The following TSHZ3 variants were observed in gnomAD, a reference collection of about 807,000 sequenced individuals.
The protein encoded by TSHZ3 is teashirt zinc finger homeobox 3, also known as teashirt homolog 3.
In TSHZ3, 10 loss-of-function variants were observed where a neutral mutation model predicts 64.5. That is an observed-to-expected ratio of 0.16 (90% CI 0.10 to 0.26). TSHZ3 has a LOEUF of 0.26. Among genes scored for constraint, TSHZ3 ranks in the 10% least tolerant of loss-of-function variants. The pLI, the probability that TSHZ3 is intolerant of heterozygous loss-of-function variation, is 1.00. For synonymous variants in TSHZ3, 608 were observed against 593.1 expected (o/e 1.03, Z -0.36); for missense variants, 1,242 against 1,421.7 (o/e 0.87, Z 2.03).
intron 5 of TSHZ3, among the ~76,000 whole-genome samples, chr19:31,157,712 T>C (rs1467575014): frequency 2.0e-5 from 3 of 152,376 alleles, no homozygotes; most frequent in Admixed American, 1.3e-4. Context: ...ACCTATTTCA[T>C]GATTCTAATC....
chr19:31,184,321 A>G (rs1974771058), intron 5 of TSHZ3, among the ~76,000 whole-genome samples: 1 of 152,218 alleles, frequency 6.6e-6, no homozygotes, highest in South Asian at 2.1e-4. Context: ...AAAAACTGCG[A>G]GATTAAATAG....
At chr19:31,229,354 GCAGGTAGAAAGAA>G (rs1975510346) in intron 3 of TSHZ3, among the ~76,000 whole-genome samples, 1 of 152,138 alleles carries the variant, frequency 6.6e-6, no homozygotes, top group African/African-American at 2.4e-5. Flanking sequence ...CCAAGGATGG[GCAGGTAGAAAGAA>G]CATTAAGAAT....
At chr19:31,172,486 A>G (rs1974548856) in intron 5 of TSHZ3, among the ~76,000 whole-genome samples, 1 of 152,250 alleles carries the variant, frequency 6.6e-6, no homozygotes, top group African/African-American at 2.4e-5. Context: ...CATGCAATTC[A>G]CACATACTCA....
In TSHZ3 at chr19:31,160,355, G is replaced by A. The variant is rs562848281; in HGVS notation, n.810-3938C>T. 7.2e-5 allele frequency among the ~76,000 whole-genome samples: 11 copies of A among 152,222 alleles called. 1 individual carries two copies. The highest frequency in any genetic ancestry group is 4.2e-4 in the South Asian group (2 of 4,818). On this transcript the variant is annotated intron_variant and non_coding_transcript_variant, in intron 5 of 6. Transcript: ENST00000651361. ...ACTGGCAAAAACAACAACGCTCTGCGGTCTATCTGCCCCTCTGCCAAGAAA... is the reference window on the plus strand; with the variant it reads ...ACTGGCAAAAACAACAACGCTCTGCAGTCTATCTGCCCCTCTGCCAAGAAA...
chr19:31,308,209 T>G (rs55947176), intron 1 of TSHZ3: 62,377 of 153,224 alleles, frequency 0.41, 12,882 homozygotes, highest in Middle Eastern at 0.51. Context: ...CAGCAGCTTG[T>G]GTTTGTCAAT....
chr19:31,233,947 A>G (rs1207985222), intron 3 of TSHZ3, among the ~76,000 whole-genome samples: 1 of 152,046 alleles, frequency 6.6e-6, no homozygotes, highest in Non-Finnish European at 1.5e-5. Context: ...AAAAAAAAAA[A>G]AAAAGCCTGC....
chr19:31,279,361 C>T lies in TSHZ3; in HGVS notation c.432G>A (p.Glu144=), dbSNP rs1976319944. The T allele has an allele frequency of 4.3e-6, 7 of 1,614,022 alleles. No individual in the cohort carries two copies. The highest frequency in any genetic ancestry group is 5.1e-6 in the Non-Finnish European group (6 of 1,180,020). The change falls in exon 2 of 2, where the codon GAG becomes GAA. Residue 144 remains glutamate (E), a synonymous_variant. Transcript: ENST00000240587. The surrounding 1 kb of genome is among the most constrained non-coding windows in gnomAD (Gnocchi z 6.4). ...LNLNLHQPSS[E]KNNGSSSSSS... ...TGCTGCTGCTGCTGCCGTTGTTCTT[C>T]TCCGAGGAGGGCTGGTGCAGGTTGA...
At chr19:31,158,624 G>T (rs1183769722) in intron 5 of TSHZ3, among the ~76,000 whole-genome samples, 1 of 152,110 alleles carries the variant, frequency 6.6e-6, no homozygotes, top group Non-Finnish European at 1.5e-5. Context: ...TATATTTATT[G>T]TGCACTTTAT....
chr19:31,189,393 G>A (rs1285291881), intron 5 of TSHZ3, among the ~76,000 whole-genome samples: 1 of 151,690 alleles, frequency 6.6e-6, no homozygotes, highest in Non-Finnish European at 1.5e-5. Context: ...TTTCCTCTAA[G>A]CATTGCTTTG....
At chr19:31,176,532 G>A (rs916458111) in intron 5 of TSHZ3, among the ~76,000 whole-genome samples, 9 of 152,108 alleles carry the variant, frequency 5.9e-5, no homozygotes, top group East Asian at 3.9e-4. Context: ...ATGGTGTTTC[G>A]CTTGTAATCT....
chr19:31,336,925 G>A (rs537307105), intron 1 of TSHZ3, among the ~76,000 whole-genome samples: 135 of 152,104 alleles, frequency 8.9e-4, no homozygotes, highest in Non-Finnish European at 1.7e-3. Context: ...ACTGCAGAGT[G>A]CATATTTTAT....
chr19:31,262,930 G>C (rs984047802), intron 1 of TSHZ3, among the ~76,000 whole-genome samples: 3 of 152,226 alleles, frequency 2.0e-5, no homozygotes, highest in African/African-American at 7.2e-5. Context: ...CAGTTGGGCT[G>C]CGGACATGTG....
chr19:31,168,085 C>G (rs749798685), intron 5 of TSHZ3, among the ~76,000 whole-genome samples: 3 of 151,848 alleles, frequency 2.0e-5, no homozygotes, highest in South Asian at 2.1e-4. Flanking sequence ...TAGATGCCAC[C>G]TTTTCTCAGT....
intron 1 of TSHZ3, among the ~76,000 whole-genome samples, chr19:31,307,235 G>A (rs977348431): frequency 2.0e-5 from 3 of 152,070 alleles, no homozygotes; most frequent in African/African-American, 4.8e-5. Flanking sequence ...CCAAGTGCCC[G>A]CCCTGTTCTC....
intron 4 of TSHZ3, among the ~76,000 whole-genome samples, chr19:31,219,352 A>C (rs1975370538): frequency 6.6e-6 from 1 of 152,200 alleles, no homozygotes; most frequent in Admixed American, 6.5e-5. Context: ...CAAAGGGCTC[A>C]ACACAGCAGA....
intron 1 of TSHZ3, among the ~76,000 whole-genome samples, chr19:31,335,319 T>C (rs1426642328): frequency 6.6e-6 from 1 of 152,198 alleles, no homozygotes; most frequent in Non-Finnish European, 1.5e-5. Flanking sequence ...TACAAGAATT[T>C]CTCTCTGAGG....
intron 5 of TSHZ3, among the ~76,000 whole-genome samples, chr19:31,204,022 C>CAA (rs1975126005): frequency 6.6e-6 from 1 of 152,108 alleles, no homozygotes; most frequent in Non-Finnish European, 1.5e-5. Flanking sequence ...CACATGGCTG[C>CAA]AAGAGAGCGA....
chr19:31,347,934 C>G (rs1412167266), intron 1 of TSHZ3, among the ~76,000 whole-genome samples: 1 of 152,206 alleles, frequency 6.6e-6, no homozygotes, highest in Admixed American at 6.5e-5. Context: ...GGCTACAACG[C>G]CTTCCTCCAA....
chr19:31,261,592 C>T (rs1490212098), intron 1 of TSHZ3, among the ~76,000 whole-genome samples: 1 of 152,198 alleles, frequency 6.6e-6, no homozygotes, highest in Non-Finnish European at 1.5e-5. Context: ...GTAGCATACT[C>T]CAAGTGTTCT....
Sources: gnomAD v4.1 joint callset for allele counts (sites outside exome capture counted in the v4.1 genomes callset) on GRCh38, gnomAD v4.1.1 for gene constraint, Gnocchi (gnomAD v3.1) non-coding constraint, MANE v1.5 for transcripts, NCBI Gene and HGNC (gene_info 2026-07-23, HGNC 2026-07-21) for gene names.